Variants in ELOVL2 observed in about 807,000 individuals in gnomAD.
The protein encoded by ELOVL2 is ELOVL fatty acid elongase 2.
ELOVL2 carries 38 observed loss-of-function variants against 37.7 expected under a neutral mutation model. The ratio of observed to expected loss-of-function variants is 1.01; its 90% CI spans 0.78 to 1.32. ELOVL2 has a LOEUF of 1.32. Among genes scored for constraint, ELOVL2 ranks in the 40% most tolerant of loss-of-function variants. The pLI is 0.00. For missense variants in ELOVL2, 352 were observed against 363.6 expected (o/e 0.97, Z 0.26); for synonymous variants, 115 against 122.3 (o/e 0.94, Z 0.40).
At chr6:11,001,883 T>C (rs1314601803) in intron 3 of ELOVL2, among the ~76,000 whole-genome samples, 1 of 152,174 alleles carries the variant, frequency 6.6e-6, no homozygotes, top group Non-Finnish European at 1.5e-5. Flanking sequence ...CTAAATCACT[T>C]CAAAATATAC....
chr6:11,019,856 G>A (rs1782738878), intron 1 of ELOVL2, among the ~76,000 whole-genome samples: 3 of 150,546 alleles, frequency 2.0e-5, no homozygotes, highest in African/African-American at 4.9e-5. Flanking sequence ...TGATTCTCCC[G>A]CCTCAGCCTT....
intron 1 of ELOVL2, among the ~76,000 whole-genome samples, chr6:11,034,420 C>T (rs577336943): frequency 6.7e-5 from 10 of 148,838 alleles, no homozygotes; most frequent in African/African-American, 2.2e-4. Flanking sequence ...TGGTGGCTCA[C>T]GCCTGTAATC....
At chr6:10,998,560 T>C (rs1782315650) in intron 4 of ELOVL2, among the ~76,000 whole-genome samples, 1 of 152,220 alleles carries the variant, frequency 6.6e-6, no homozygotes, top group African/African-American at 2.4e-5. Context: ...TTTCAGTTAA[T>C]TCCAGTCAGT....
rs192186006 is a variant in ELOVL2, at chr6:11,022,262, C to A, written c.4-11453G>T. Among the ~76,000 whole-genome samples, 111 of 152,276 alleles carry A rather than the reference C, an allele frequency of 7.3e-4. 1 individual carries two copies. In the Middle Eastern group the frequency reaches 0.01, roughly 14 times the overall value. On this transcript the variant is annotated intron_variant, in intron 1 of 7. Transcript: ENST00000354666. ...AAGTTGTGTCCAGCTAGACAAGAATCGGTGTCCAGCAGAGTCTGGGACACC... is the reference window on the plus strand; with the variant it reads ...AAGTTGTGTCCAGCTAGACAAGAATAGGTGTCCAGCAGAGTCTGGGACACC...
intron 1 of ELOVL2, among the ~76,000 whole-genome samples, chr6:11,027,303 A>T (rs1036051051): frequency 2.6e-5 from 4 of 152,170 alleles, no homozygotes; most frequent in African/African-American, 9.7e-5. Flanking sequence ...TAGGAACAGA[A>T]ATGAGCTCAG....
chr6:11,034,875 C>A (rs143851776), intron 1 of ELOVL2, among the ~76,000 whole-genome samples: 3,551 of 151,604 alleles, frequency 0.023, 154 homozygotes, highest in East Asian at 0.19. Flanking sequence ...TGGTGGCATG[C>A]GCCTGTAATC....
intron 7 of ELOVL2, among the ~76,000 whole-genome samples, chr6:10,988,969 C>T (rs1782096423): frequency 6.6e-6 from 1 of 152,164 alleles, no homozygotes; most frequent in South Asian, 2.1e-4. Context: ...TGATAAGGAA[C>T]CAATTTTTAA....
intron 4 of ELOVL2, among the ~76,000 whole-genome samples, chr6:10,999,755 T>C (rs537481680): frequency 1.3e-5 from 2 of 152,314 alleles, no homozygotes; most frequent in East Asian, 3.9e-4. Flanking sequence ...ATTCATATCA[T>C]TTATTGCACA....
chr6:11,027,265 T>G (rs1012259096), intron 1 of ELOVL2, among the ~76,000 whole-genome samples: 9 of 152,198 alleles, frequency 5.9e-5, no homozygotes, highest in African/African-American at 1.7e-4. Flanking sequence ...GGCTCAAGAA[T>G]GAGCTCTGCA....
intron 4 of ELOVL2, among the ~76,000 whole-genome samples, chr6:10,997,959 G>A (rs1782302319): frequency 6.6e-6 from 1 of 152,058 alleles, no homozygotes; most frequent in Admixed American, 6.6e-5. Context: ...CCCCAATGTC[G>A]GAGGTGGGGC....
Position 10,992,810 on chromosome 6 carries a change from CA to C in ELOVL2, c.505+2196del, listed in dbSNP as rs905117345. 4.5e-3 allele frequency among the ~76,000 whole-genome samples: 592 copies of C among 132,662 alleles called. 5 individuals are homozygous for C. Among genetic ancestry groups the C allele is most frequent in the African/African-American group, 0.015 (551 of 36,292 alleles). The allele number at this position is 132,662 out of a possible 152,430, so 87.0% of individuals were successfully genotyped here. Reference sequence around the variant, plus strand: ...TCAAAAAAAACAAAACAAAAAAAAACAAAAAAAAACAGGATTAAAAAATATA... The same window carrying C: ...TCAAAAAAAACAAAACAAAAAAAAACAAAAAAAACAGGATTAAAAAATATA... On this transcript the variant is annotated intron_variant, in intron 5 of 7. Coordinates refer to ENST00000354666, the MANE Select transcript of ELOVL2 (RefSeq NM_017770.4).
intron 3 of ELOVL2, among the ~76,000 whole-genome samples, chr6:11,003,663 C>T (rs944222811): frequency 2.0e-5 from 3 of 152,146 alleles, no homozygotes; most frequent in Non-Finnish European, 2.9e-5. Context: ...TATAGAGAAA[C>T]GAATCCCATA....
At chr6:11,013,536 C>G (rs757466445) in intron 1 of ELOVL2, among the ~76,000 whole-genome samples, 1 of 152,166 alleles carries the variant, frequency 6.6e-6, no homozygotes, top group Non-Finnish European at 1.5e-5. Flanking sequence ...TTCATTGACA[C>G]ATTTTTGAAC....
At chr6:11,022,605 T>G (rs1782781459) in intron 1 of ELOVL2, among the ~76,000 whole-genome samples, 1 of 152,148 alleles carries the variant, frequency 6.6e-6, no homozygotes, top group Non-Finnish European at 1.5e-5. Context: ...CACAAAAAAT[T>G]TTGAGTTTGC....
chr6:10,989,498 C>T (rs1782106300), intron 7 of ELOVL2, among the ~76,000 whole-genome samples: 2 of 152,098 alleles, frequency 1.3e-5, no homozygotes, highest in Non-Finnish European at 2.9e-5. Context: ...ACTAAAAATA[C>T]AACAATTAGC....
In ELOVL2 at chr6:10,983,830, T is replaced by G; in HGVS notation, c.842A>C (p.Lys281Thr). ...AGKEVKNGFS[K>T]AYFTAANGVM... ...TCCATTTGCTGCAGTGAAGTAGGCT[T>G]TGGAAAAACCATTCTTCACTTCTTT... is the stretch of plus-strand genomic sequence containing the variant. Residue 281 changes from lysine to threonine, a missense_variant, in exon 8 of 8, where the codon AAA (lysine) becomes ACA (threonine). Physicochemically the swap from Lys to Thr is moderately conservative, Grantham distance 78. Transcript: ENST00000354666. The G allele has an allele frequency of 2.5e-6, 4 of 1,613,710 alleles. No homozygotes were observed. The highest frequency in any genetic ancestry group is 3.4e-6 in the Non-Finnish European group (4 of 1,179,916).
chr6:10,991,355 C>T (rs966140346), intron 5 of ELOVL2, among the ~76,000 whole-genome samples: 5 of 152,290 alleles, frequency 3.3e-5, no homozygotes, highest in Non-Finnish European at 7.3e-5. Flanking sequence ...GGCTGTTCTG[C>T]GAGCTATCCT....
At chr6:11,034,327 T>C (rs1337857845) in intron 1 of ELOVL2, among the ~76,000 whole-genome samples, 4 of 152,202 alleles carry the variant, frequency 2.6e-5, no homozygotes, top group Non-Finnish European at 5.9e-5. Context: ...TCTTTAAAAT[T>C]TGACTTCTCT....
At chr6:11,041,062 C>T (rs907151658) in intron 1 of ELOVL2, among the ~76,000 whole-genome samples, 6 of 152,184 alleles carry the variant, frequency 3.9e-5, no homozygotes, top group African/African-American at 7.2e-5. Context: ...GCTACAAATG[C>T]GTGAATCTGT....
Sources: gnomAD v4.1 joint callset for allele counts (sites outside exome capture counted in the v4.1 genomes callset) on GRCh38, gnomAD v4.1.1 for gene constraint, MANE v1.5 for transcripts, NCBI Gene and HGNC (gene_info 2026-07-23, HGNC 2026-07-21) for gene names.